CARMIL1: variants seen among roughly 807,000 people sequenced by gnomAD.
The protein encoded by CARMIL1 is F-actin-uncapping protein LRRC16A.
CARMIL1 carries 90 observed loss-of-function variants against 177.1 expected under a neutral mutation model. The observed-to-expected ratio is 0.51, with a 90% CI of 0.43 to 0.61. The LOEUF (loss-of-function observed/expected upper bound fraction) is 0.61, where lower values mean the gene tolerates loss of function less well. Among genes scored for constraint, CARMIL1 ranks in the 20% least tolerant of loss-of-function variants. The pLI is 0.00. For synonymous variants in CARMIL1, 577 were observed against 606.2 expected (o/e 0.95, Z 0.71); for missense variants, 1,380 against 1,667.0 (o/e 0.83, Z 3.00).
chr6:25,444,943 C>T (rs925646648), intron 5 of CARMIL1, among the ~76,000 whole-genome samples: 8 of 152,198 alleles, frequency 5.3e-5, no homozygotes, highest in South Asian at 2.1e-4. Flanking sequence ...CTTGAGGAAT[C>T]GCCACACTGT....
chr6:25,562,534 A>G (rs1234915743), intron 29 of CARMIL1, among the ~76,000 whole-genome samples: 2 of 152,180 alleles, frequency 1.3e-5, no homozygotes, highest in Non-Finnish European at 2.9e-5. Flanking sequence ...GGCATGAGCC[A>G]CCGCACCCGG....
Position 25,460,280 on chromosome 6 carries a change from G to T in CARMIL1, c.615-5593G>T, listed in dbSNP as rs191757035. Among the ~76,000 whole-genome samples the T allele has an allele frequency of 1.1e-3, 170 of 152,294 alleles. 2 individuals carry two copies. Among genetic ancestry groups the T allele is most frequent in the Admixed American group, 8.0e-3 (122 of 15,308 alleles). On this transcript the variant is annotated intron_variant, in intron 8 of 36. Coordinates refer to ENST00000329474, the MANE Select transcript of CARMIL1 (RefSeq NM_017640.6). ...ACTGTGTCCTAAGAAAGCCATCCAG[G>T]AAAATGAACTCTCAGAAATGAGATT...
At chr6:25,450,063 C>A in intron 6 of CARMIL1, 68 bp downstream of exon 6, 3 of 1,298,816 alleles carry the variant, frequency 2.3e-6, no homozygotes, top group Non-Finnish European at 3.2e-6. Flanking sequence ...GAAGTTAAGT[C>A]TATTCCTAGT....
intron 2 of CARMIL1, among the ~76,000 whole-genome samples, chr6:25,335,780 C>T (rs753381695): frequency 2.6e-5 from 4 of 152,256 alleles, no homozygotes; most frequent in African/African-American, 4.8e-5. Context: ...ATGCTCAATG[C>T]GCTTTCCCCT....
intron 12 of CARMIL1, among the ~76,000 whole-genome samples, chr6:25,483,211 GACTA>G (rs2150973642): frequency 1.3e-5 from 2 of 152,256 alleles, no homozygotes; most frequent in East Asian, 3.9e-4. Flanking sequence ...ACTGTGCCTG[GACTA>G]CTGTTTAACA....
chr6:25,389,373 G>A (rs1035343045), intron 2 of CARMIL1, among the ~76,000 whole-genome samples: 2 of 151,942 alleles, frequency 1.3e-5, no homozygotes, highest in Non-Finnish European at 2.9e-5. Context: ...ATTTGGGGGG[G>A]TCTTGCTGTG....
intron 8 of CARMIL1, among the ~76,000 whole-genome samples, chr6:25,456,626 T>G (rs1799553689): frequency 6.6e-6 from 1 of 152,222 alleles, no homozygotes; most frequent in South Asian, 2.1e-4. Flanking sequence ...GTTAAAAAAT[T>G]TAATTACACT....
chr6:25,425,438 C>T (rs914275880), intron 3 of CARMIL1, among the ~76,000 whole-genome samples: 12 of 152,100 alleles, frequency 7.9e-5, no homozygotes, highest in African/African-American at 2.9e-4. Context: ...ATTCTACCAA[C>T]GTATCATGGT....
rs1292953484 is a variant in CARMIL1, at chr6:25,594,419, G to A, written c.3011G>A (p.Cys1004Tyr). The part of the protein sequence containing the change: ...KKQQPTQAAV[C>Y]AANIVSQDGE... The stretch of plus-strand genomic sequence containing the variant: ...TTACATCTGTTTGTTTTGCAGGTCT[G>A]TGCTGCCAACATAGTCTCACAAGAT... Residue 1004 changes from cysteine to tyrosine, a missense_variant, in exon 32 of 37, where the codon TGT becomes TAT. Cys to Tyr is a radical substitution (Grantham distance 194, BLOSUM62 -2). Coordinates refer to ENST00000329474, the MANE Select transcript of CARMIL1 (RefSeq NM_017640.6). 1 of 1,605,002 alleles carries A rather than the reference G, an allele frequency of 6.2e-7. No homozygotes were observed. Among genetic ancestry groups the A allele is most frequent in the Non-Finnish European group, 8.5e-7 (1 of 1,173,558 alleles).
chr6:25,455,151 C>A (rs1436392442), intron 8 of CARMIL1, among the ~76,000 whole-genome samples: 1 of 152,044 alleles, frequency 6.6e-6, no homozygotes, highest in African/African-American at 2.4e-5. Context: ...AGCAAGCAAC[C>A]TTGTTTGCCA....
intron 24 of CARMIL1, among the ~76,000 whole-genome samples, chr6:25,535,136 C>T (rs984361668): frequency 2.6e-5 from 4 of 152,090 alleles, no homozygotes; most frequent in Admixed American, 6.6e-5. Flanking sequence ...GTAAGGAAGA[C>T]GATAGCTCTG....
chr6:25,294,579 C>T (rs138206171), intron 2 of CARMIL1, among the ~76,000 whole-genome samples: 1 of 152,344 alleles, frequency 6.6e-6, no homozygotes, highest in Non-Finnish European at 1.5e-5. Context: ...CTGCTTCTCA[C>T]TCTCCATTTC....
At chr6:25,488,640 G>T in intron 13 of CARMIL1, 55 bp downstream of exon 13, 1 of 1,365,468 alleles carries the variant, frequency 7.3e-7, no homozygotes, top group South Asian at 1.2e-5. Context: ...AATAAGCCTG[G>T]AATAATTCTA....
chr6:25,438,791 C>G (rs923176410), intron 5 of CARMIL1, among the ~76,000 whole-genome samples: 2 of 151,662 alleles, frequency 1.3e-5, no homozygotes, highest in Non-Finnish European at 2.9e-5. Flanking sequence ...TAGTATTTTC[C>G]TGGGAAGCCA....
Position 25,554,165 on chromosome 6 carries a change from G to A in CARMIL1, c.2592+69G>A. 1.9e-6 allele frequency: 2 copies of A among 1,039,096 alleles called. No homozygotes were observed. Among genetic ancestry groups the A allele is most frequent in the Non-Finnish European group, 2.9e-6 (2 of 681,206 alleles). The allele number at this position is 1,039,096 out of a possible 1,614,324, so 64.4% of individuals were successfully genotyped here. Reference sequence around the variant, plus strand: ...CTGCTGTGATGCAGGATGACTTCCGGTGTGGGGATGTGATTTCTTTTCTGT... The same window carrying A: ...CTGCTGTGATGCAGGATGACTTCCGATGTGGGGATGTGATTTCTTTTCTGT... On this transcript the variant is annotated intron_variant, in intron 28 of 36. Transcript: ENST00000329474. This position sits in a 1 kb window ranked among gnomAD's most constrained non-coding sequence, Gnocchi z 4.6.
chr6:25,332,419 C>T (rs1456203301), intron 2 of CARMIL1, among the ~76,000 whole-genome samples: 5 of 152,038 alleles, frequency 3.3e-5, no homozygotes, highest in Non-Finnish European at 7.4e-5. Flanking sequence ...TGAGTGTTTG[C>T]AGTGAAGGTG....
At chr6:25,349,725 A>ATTTTTTTT (rs67971403) in intron 2 of CARMIL1, among the ~76,000 whole-genome samples, 1 of 93,538 alleles carries the variant, frequency 1.1e-5, no homozygotes, top group African/African-American at 4.1e-5. Context: ...CAGTCCCCTC[A>ATTTTTTTT]TTTTTTTTTT....
intron 2 of CARMIL1, among the ~76,000 whole-genome samples, chr6:25,334,194 G>A (rs1329005206): frequency 6.6e-6 from 1 of 152,196 alleles, no homozygotes; most frequent in Non-Finnish European, 1.5e-5. Context: ...TGAGGCAGAG[G>A]TATCCGGAAC....
intron 8 of CARMIL1, among the ~76,000 whole-genome samples, chr6:25,461,111 A>G (rs1800080679): frequency 6.6e-6 from 1 of 152,126 alleles, no homozygotes; most frequent in African/African-American, 2.4e-5. Flanking sequence ...ACTATTTTGC[A>G]TTGGCCCTTG....
Sources: allele counts gnomAD v4.1 joint callset (sites outside exome capture counted in the v4.1 genomes callset), GRCh38; gene constraint gnomAD v4.1.1; non-coding constraint Gnocchi (gnomAD v3.1); transcripts MANE v1.5; gene names NCBI Gene and HGNC (gene_info 2026-07-23, HGNC 2026-07-21).